The following PODXL variants were observed in gnomAD, a reference collection of about 807,000 sequenced individuals.
PODXL encodes the protein podocalyxin like.
A neutral mutation model predicts 48.9 loss-of-function variants in PODXL; 20 were observed. The observed-to-expected ratio is 0.41, with a 90% CI of 0.29 to 0.59. The LOEUF is 0.59. Ranked by LOEUF, PODXL falls within the 20% of genes least tolerant of loss-of-function variation. The pLI is 0.31. For missense variants in PODXL, 606 were observed against 675.1 expected (o/e 0.90, Z 1.13); for synonymous variants, 295 against 287.4 (o/e 1.03, Z -0.27).
At chr7:131,538,300 AG>A (rs1798417457) in intron 1 of PODXL, among the ~76,000 whole-genome samples, 1 of 152,182 alleles carries the variant, frequency 6.6e-6, no homozygotes. Flanking sequence ...AAGGCCTGGC[AG>A]GGAAGGAGTG....
chr7:131,544,440 A>G (rs1291706250), intron 1 of PODXL, among the ~76,000 whole-genome samples: 2 of 152,154 alleles, frequency 1.3e-5, no homozygotes, highest in Non-Finnish European at 1.5e-5. Flanking sequence ...AAAGGCCAGG[A>G]CGGCTCCCAC....
chr7:131,539,917 T>C (rs913777234), intron 1 of PODXL, among the ~76,000 whole-genome samples: 1 of 152,226 alleles, frequency 6.6e-6, no homozygotes, highest in Non-Finnish European at 1.5e-5. Context: ...TCCTCATGAC[T>C]GTAAACTTAA....
chr7:131,516,757 ACAGGGTCTTGCTC>A (rs1407864557), intron 1 of PODXL, among the ~76,000 whole-genome samples: 2 of 54,314 alleles, frequency 3.7e-5, no homozygotes, highest in Non-Finnish European at 7.4e-5. Context: ...TTTTTTTGAG[ACAGGGTCTTGCTC>A]CATCACCTAG....
In PODXL at chr7:131,503,886, C is replaced by A. The variant is rs564358489; in HGVS notation, c.*425G>T. 6.8e-5 allele frequency: 13 copies of A among 190,064 alleles called. No homozygotes were observed. The highest frequency in any genetic ancestry group is 1.4e-4 in the Non-Finnish European group (13 of 92,074). 11.8% of individuals were successfully genotyped at this position (190,064 alleles called of 1,614,324 possible). A position where few individuals can be genotyped will look rare whatever the true frequency, so the allele number is the denominator to read the frequency against. The stretch of plus-strand genomic sequence containing the variant: ...GCCCGGGACTGCTCTGGACGGAAGG[C>A]ACATGTGAACACAGCAGTGTGGCAT... On this transcript the variant is annotated 3_prime_UTR_variant, in exon 9 of 9. Transcript: ENST00000378555.
At chr7:131,513,831 C>T (rs1797953375) in intron 1 of PODXL, among the ~76,000 whole-genome samples, 1 of 152,246 alleles carries the variant, frequency 6.6e-6, no homozygotes, top group African/African-American at 2.4e-5. Flanking sequence ...ATACACTGGA[C>T]AGTATCCCCA....
intron 1 of PODXL, among the ~76,000 whole-genome samples, chr7:131,537,874 CCTT>C (rs1198136480): frequency 6.6e-6 from 1 of 152,148 alleles, no homozygotes; most frequent in Non-Finnish European, 1.5e-5. Flanking sequence ...TGTAACTCAT[CCTT>C]CTCGTGGTGT....
Position 131,500,590 on chromosome 7 carries a change from A to G in PODXL, c.*3721T>C, listed in dbSNP as rs548043783. On this transcript the variant is annotated 3_prime_UTR_variant, in exon 9 of 9. Coordinates refer to ENST00000378555, the MANE Select transcript of PODXL (RefSeq NM_001018111.3). Reference sequence around the variant, plus strand: ...TACTCTTGCCCTCTCTGCCTCCCCCATCATGTTTCCTTGGTCCCTCAGTCC... The same window carrying G: ...TACTCTTGCCCTCTCTGCCTCCCCCGTCATGTTTCCTTGGTCCCTCAGTCC... The G allele has an allele frequency of 6.6e-6, 1 of 152,328 alleles. No homozygotes were observed. Among genetic ancestry groups the G allele is most frequent in the African/African-American group, 2.4e-5 (1 of 41,562 alleles). The allele number at this position is 152,328 out of a possible 1,614,324, so 9.4% of individuals were successfully genotyped here.
chr7:131,549,755 C>T (rs768088919), intron 1 of PODXL, among the ~76,000 whole-genome samples: 4 of 152,228 alleles, frequency 2.6e-5, no homozygotes, highest in Non-Finnish European at 4.4e-5. Flanking sequence ...AGTGGAGGCA[C>T]ATACATAGCC....
chr7:131,504,630 C>T (rs778589596), intron 8 of PODXL, 122 bp from the exon 9 acceptor site: 49 of 792,954 alleles, frequency 6.2e-5, no homozygotes, highest in Non-Finnish European at 8.5e-5. Context: ...CCTCATTGCT[C>T]GCCTGTGGGG....
At chr7:131,506,099 T>A in intron 7 of PODXL, 64 bp from the exon 8 acceptor site, 3 of 1,573,814 alleles carry the variant, frequency 1.9e-6, no homozygotes, top group East Asian at 4.5e-5. Context: ...CCGGCTTCAC[T>A]GTAGAGCCCC....
chr7:131,506,189 G>A, intron 7 of PODXL, 71 bp downstream of exon 7: 2 of 1,569,632 alleles, frequency 1.3e-6, no homozygotes, highest in East Asian at 2.2e-5. Context: ...CCCACAGAGA[G>A]AGGGGAGTAA....
chr7:131,547,930 A>C (rs1290580331), intron 1 of PODXL, among the ~76,000 whole-genome samples: 1 of 152,108 alleles, frequency 6.6e-6, no homozygotes. Flanking sequence ...GGTGAGAGGG[A>C]GAGATGGGGA....
intron 1 of PODXL, among the ~76,000 whole-genome samples, chr7:131,530,078 G>A (rs940950432): frequency 6.6e-5 from 10 of 152,172 alleles, no homozygotes; most frequent in African/African-American, 2.2e-4. Flanking sequence ...GGGGGTGCAG[G>A]GAGCTGCTAG....
At chr7:131,554,548 G>A (rs1798715498) in intron 1 of PODXL, among the ~76,000 whole-genome samples, 1 of 152,182 alleles carries the variant, frequency 6.6e-6, no homozygotes, top group Non-Finnish European at 1.5e-5. Flanking sequence ...ATGGTTTCTG[G>A]CAGTGCCCAG....
chr7:131,504,141 G>A lies in PODXL; in HGVS notation c.*170C>T, dbSNP rs1797757974. 1 of 606,600 alleles carries A rather than the reference G, an allele frequency of 1.6e-6. No individual in the cohort carries two copies. Among genetic ancestry groups the A allele is most frequent in the Non-Finnish European group, 2.9e-6 (1 of 341,452 alleles). 37.6% of individuals were successfully genotyped at this position (606,600 alleles called of 1,614,324 possible). On this transcript the variant is annotated 3_prime_UTR_variant, in exon 9 of 9. Transcript: ENST00000378555. Reference sequence around the variant, plus strand: ...TTTACAAGAGGAATCTGGACAGAATGTGATTTGTTCAGGTTGAAAAGGGAA... The same window carrying A: ...TTTACAAGAGGAATCTGGACAGAATATGATTTGTTCAGGTTGAAAAGGGAA...
intron 1 of PODXL, among the ~76,000 whole-genome samples, chr7:131,527,748 C>T (rs541069613): frequency 5.9e-5 from 9 of 152,254 alleles, no homozygotes; most frequent in African/African-American, 1.9e-4. Flanking sequence ...GTTTCCTTTT[C>T]GAAGGTAGGA....
rs1798511630 is a variant in PODXL at position 131,543,196 on chromosome 7, C to T, written c.100+13064G>A. 2.6e-5 allele frequency among the ~76,000 whole-genome samples: 4 copies of T among 152,222 alleles called. No individual in the cohort carries two copies. In the South Asian group the frequency reaches 8.3e-4, roughly 32 times the overall value. ...GGAGTACAGTGGCACAATCATAGCT[C>T]ACTACAGCCTCTCAAACTTCTAGGC... On this transcript the variant is annotated intron_variant, in intron 1 of 8. Coordinates refer to ENST00000378555, the MANE Select transcript of PODXL (RefSeq NM_001018111.3).
intron 5 of PODXL, 29 bp from the exon 6 acceptor site, chr7:131,506,755 G>C (rs201822143): frequency 1.1e-5 from 17 of 1,611,362 alleles, no homozygotes; most frequent in Non-Finnish European, 1.4e-5. Context: ...AGGTGACTCC[G>C]CGGGGAGCGT....
intron 1 of PODXL, 121 bp from the exon 2 acceptor site, chr7:131,511,554 G>T: frequency 3.1e-6 from 3 of 983,218 alleles, no homozygotes; most frequent in Non-Finnish European, 4.5e-6. Flanking sequence ...CTTGCTAAAG[G>T]CCTGGGTCTT....
Sources: gnomAD v4.1 joint callset for allele counts (sites outside exome capture counted in the v4.1 genomes callset) on GRCh38, gnomAD v4.1.1 for gene constraint, MANE v1.5 for transcripts, NCBI Gene and HGNC (gene_info 2026-07-23, HGNC 2026-07-21) for gene names.